HPSE2: variants seen among roughly 807,000 people sequenced by gnomAD.
HPSE2 encodes heparanase 2 (inactive), also known as inactive heparanase-2.
In HPSE2, 38 loss-of-function variants were observed where a neutral mutation model predicts 60.5. The observed-to-expected ratio is 0.63, with a 90% CI of 0.48 to 0.82. The LOEUF (loss-of-function observed/expected upper bound fraction) is 0.82, where lower values mean the gene tolerates loss of function less well. Among genes scored for constraint, HPSE2 ranks in the 40% least tolerant of loss-of-function variants. The probability of loss-of-function intolerance (pLI) is 0.00; values close to 1 mark genes in which losing one functional copy is unlikely to be tolerated. For missense variants in HPSE2, 713 were observed against 740.4 expected, an observed-to-expected ratio of 0.96 and a Z score of 0.43; for synonymous variants, 295 against 293.2, an observed-to-expected ratio of 1.01 and a Z score of -0.06.
chr10:98,544,603 C>A (rs1298330269), intron 9 of HPSE2, among the ~76,000 whole-genome samples: 18 of 150,106 alleles, frequency 1.2e-4, no homozygotes, highest in African/African-American at 4.2e-4. Flanking sequence ...GTCCCAGCTA[C>A]GCGGGAGGCT....
rs565813807 is a variant in HPSE2 at position 98,939,112 on chromosome 10, T to G, written c.611-195056A>C. ...ACTAAACATGGAAAGGAACAACCAG[T>G]TCCAGCCACTGCAAAATCATGGCAA... is the stretch of plus-strand genomic sequence containing the variant. On this transcript the variant is annotated intron_variant, in intron 3 of 11. Transcript: ENST00000370552. Among the ~76,000 whole-genome samples the G allele has an allele frequency of 7.7e-5, 11 of 143,780 alleles. 2 individuals are homozygous for G. The East Asian group carries it at 2.2e-3, about 28-fold the overall frequency. The allele number at this position is 143,780 out of a possible 152,430, so 94.3% of individuals were successfully genotyped here.
chr10:98,601,471 G>A (rs1035293168), intron 9 of HPSE2, among the ~76,000 whole-genome samples: 4 of 152,178 alleles, frequency 2.6e-5, no homozygotes, highest in Non-Finnish European at 5.9e-5. Context: ...AACATGTAGG[G>A]CTGAGGGATG....
intron 6 of HPSE2, among the ~76,000 whole-genome samples, chr10:98,651,440 A>T (rs902356562): frequency 6.6e-6 from 1 of 152,218 alleles, no homozygotes; most frequent in Non-Finnish European, 1.5e-5. Flanking sequence ...TTATTCAGCT[A>T]ATAGGAATTC....
Position 98,947,451 on chromosome 10 carries a change from C to T in HPSE2, c.610+196787G>A, listed in dbSNP as rs542856442. ...TTGATAATTTCAGAAGGAGATGTGGCTTTTAAAAAGTCAAGATAACAAGAG... is the reference window on the plus strand; with the variant it reads ...TTGATAATTTCAGAAGGAGATGTGGTTTTTAAAAAGTCAAGATAACAAGAG... On this transcript the variant is annotated intron_variant, in intron 3 of 11. Coordinates refer to ENST00000370552, the MANE Select transcript of HPSE2 (RefSeq NM_021828.5). Among the ~76,000 whole-genome samples the T allele has an allele frequency of 3.3e-5, 5 of 152,218 alleles. No homozygotes were observed. In the East Asian group the frequency reaches 9.7e-4, roughly 29 times the overall value.
At chr10:98,693,975 T>TAAAAAGATAA (rs1948146622) in intron 5 of HPSE2, 28 bp from the exon 6 acceptor site, 1 of 1,566,134 alleles carries the variant, frequency 6.4e-7, no homozygotes, top group Non-Finnish European at 8.8e-7. Context: ...AAAAAAGATA[T>TAAAAAGATAA]TACAACTTAG....
intron 3 of HPSE2, among the ~76,000 whole-genome samples, chr10:99,104,734 A>G (rs1564810633): frequency 1.3e-5 from 2 of 152,186 alleles, no homozygotes; most frequent in Non-Finnish European, 2.9e-5. Flanking sequence ...ATGCAGCCAT[A>G]AAAAAGGATG....
At chr10:99,149,616 G>C (rs1589733227) in intron 2 of HPSE2, among the ~76,000 whole-genome samples, 3 of 152,292 alleles carry the variant, frequency 2.0e-5, no homozygotes, top group East Asian at 3.9e-4. Context: ...ACAAGTGCCA[G>C]ATGTTTCAGT....
At chr10:98,770,059 G>A (rs1950207677) in intron 3 of HPSE2, among the ~76,000 whole-genome samples, 1 of 152,168 alleles carries the variant, frequency 6.6e-6, no homozygotes, top group African/African-American at 2.4e-5. Flanking sequence ...CACGCACTTG[G>A]TGACATATCT....
intron 9 of HPSE2, among the ~76,000 whole-genome samples, chr10:98,570,446 T>A (rs936645229): frequency 1.4e-5 from 1 of 72,664 alleles, no homozygotes; most frequent in Non-Finnish European, 3.1e-5. Context: ...GAAGTGTTTT[T>A]GTGGATTTTT....
At chr10:98,743,816 G>C in intron 4 of HPSE2, 67 bp downstream of exon 4, 1 of 1,411,390 alleles carries the variant, frequency 7.1e-7, no homozygotes, top group Non-Finnish European at 1.0e-6. Context: ...GATTGAGACT[G>C]TATCACAAGC....
intron 9 of HPSE2, among the ~76,000 whole-genome samples, chr10:98,598,011 T>C (rs1043868265): frequency 1.3e-5 from 2 of 150,366 alleles, no homozygotes; most frequent in African/African-American, 4.9e-5. Context: ...GCTCTTTTGA[T>C]GCTGTCCCAT....
chr10:98,749,947 T>TATATATATACACAC, intron 3 of HPSE2, among the ~76,000 whole-genome samples: 9 of 98,484 alleles, frequency 9.1e-5, no homozygotes, highest in African/African-American at 1.3e-4. Context: ...TATATATATA[T>TATATATATACACAC]ACACACACAC....
intron 6 of HPSE2, among the ~76,000 whole-genome samples, chr10:98,651,587 C>A (rs531267702): frequency 6.6e-6 from 1 of 152,144 alleles, no homozygotes; most frequent in South Asian, 2.1e-4. Context: ...TCCCTCCAAT[C>A]TCCTACAAAT....
intron 5 of HPSE2, among the ~76,000 whole-genome samples, chr10:98,694,387 G>A (rs10786455): frequency 0.039 from 5,915 of 152,226 alleles, 252 homozygotes; most frequent in East Asian, 0.17. Flanking sequence ...TTCCTAGAGC[G>A]AGCATGGGAA....
intron 3 of HPSE2, among the ~76,000 whole-genome samples, chr10:98,989,510 G>T (rs10786492): frequency 7.0e-6 from 1 of 143,606 alleles, no homozygotes; most frequent in African/African-American, 2.6e-5. Context: ...GTGGGGGGAG[G>T]GGGGAGGGAT....
the HPSE2 span, among the ~76,000 whole-genome samples, chr10:99,257,098 G>A: frequency 2.6e-5 from 4 of 152,050 alleles, no homozygotes; most frequent in Non-Finnish European, 4.4e-5. Flanking sequence ...GATTTCCTAC[G>A]CCTGTCTTTA....
At chr10:98,906,940 AG>A (rs1197864180) in intron 3 of HPSE2, among the ~76,000 whole-genome samples, 1 of 152,070 alleles carries the variant, frequency 6.6e-6, no homozygotes, top group Non-Finnish European at 1.5e-5. Flanking sequence ...AGACCAACTT[AG>A]TAATGAAGGG....
At chr10:98,691,234 T>G (rs1185715360) in intron 6 of HPSE2, among the ~76,000 whole-genome samples, 2 of 152,194 alleles carry the variant, frequency 1.3e-5, no homozygotes, top group Non-Finnish European at 2.9e-5. Context: ...AATTGTAGAT[T>G]CCAGGTGCTA....
intron 7 of HPSE2, among the ~76,000 whole-genome samples, chr10:98,631,403 T>C (rs1284788931): frequency 6.6e-6 from 1 of 152,222 alleles, no homozygotes; most frequent in Non-Finnish European, 1.5e-5. Flanking sequence ...GGATAAGTGC[T>C]AGTGAGAGAG....
Sources: gnomAD v4.1 joint callset for allele counts (sites outside exome capture counted in the v4.1 genomes callset) on GRCh38, gnomAD v4.1.1 for gene constraint, MANE v1.5 for transcripts, NCBI Gene and HGNC (gene_info 2026-07-23, HGNC 2026-07-21) for gene names.